VWDE: variants seen among roughly 807,000 people sequenced by gnomAD.
The protein encoded by VWDE is von Willebrand factor D and EGF domains.
A neutral mutation model predicts 178.4 loss-of-function variants in VWDE; 207 were observed. The observed-to-expected ratio is 1.16, with a 90% CI of 1.04 to 1.30. The LOEUF (loss-of-function observed/expected upper bound fraction) is 1.30, where lower values mean the gene tolerates loss of function less well. Ranked by LOEUF, VWDE falls within the 50% of genes most tolerant of loss-of-function variation. The pLI is 0.00. For synonymous variants in VWDE, 738 were observed against 651.4 expected, an observed-to-expected ratio of 1.13 and a Z score of -2.02; for missense variants, 2,287 against 1,901.3, an observed-to-expected ratio of 1.20 and a Z score of -3.77.
At chr7:12,365,898 C>G (rs1239651833) in intron 13 of VWDE, among the ~76,000 whole-genome samples, 4 of 152,070 alleles carry the variant, frequency 2.6e-5, no homozygotes, top group African/African-American at 9.7e-5. Context: ...GGCTCTGTGT[C>G]TCCGCCCAAA....
intron 1 of VWDE, 134 bp downstream of exon 1, chr7:12,403,525 G>A: frequency 1.3e-6 from 1 of 769,820 alleles, no homozygotes; most frequent in Non-Finnish European, 2.0e-6. Context: ...GGAGGCGGGT[G>A]AGGAACAAAC....
intron 2 of VWDE, among the ~76,000 whole-genome samples, chr7:12,391,983 C>A (rs1346214885): frequency 6.6e-6 from 1 of 152,086 alleles, no homozygotes; most frequent in East Asian, 1.9e-4. Flanking sequence ...ATGATGAACA[C>A]GTTAGTAATT....
intron 7 of VWDE, chr7:12,377,506 G>T (rs1783595307): frequency 4.3e-6 from 1 of 230,646 alleles, no homozygotes; most frequent in Non-Finnish European, 8.2e-6. Flanking sequence ...AAAAAGAGGA[G>T]CGAGAGGAAA....
intron 18 of VWDE, among the ~76,000 whole-genome samples, chr7:12,355,319 G>A (rs1216979523): frequency 6.6e-6 from 1 of 151,920 alleles, no homozygotes; most frequent in Non-Finnish European, 1.5e-5. Flanking sequence ...GGGAGGCTGA[G>A]GCAAGAGAAT....
Position 12,367,395 on chromosome 7 carries a change from C to A in VWDE, c.2860G>T (p.Glu954Ter). ...ACTTCACATTTAATTGAAGGTAATTCTTTGAAGCCTTTGCCAAAAACTCTC... is the reference window on the plus strand; with the variant it reads ...ACTTCACATTTAATTGAAGGTAATTATTTGAAGCCTTTGCCAAAAACTCTC... ...MVRVFGKGFK[E>*]LPSIKCEVTK... is the part of the protein sequence containing the mutation. The change falls in exon 13 of 29, where the codon GAA (glutamate) becomes TAA (stop). Residue 954 changes from glutamate to a stop codon, truncating the protein, a stop_gained. Coordinates refer to ENST00000275358, the MANE Select transcript of VWDE (RefSeq NM_001135924.3). LOFTEE classifies it high-confidence loss of function. 2.6e-6 allele frequency: 4 copies of A among 1,546,670 alleles called. No homozygotes were observed. Among genetic ancestry groups the A allele is most frequent in the Non-Finnish European group, 2.6e-6 (3 of 1,144,540 alleles).
Position 12,377,909 on chromosome 7 carries a change from T to G in VWDE, c.891A>C (p.Glu297Asp), listed in dbSNP as rs769883111. The G allele has an allele frequency of 6.9e-7, 1 of 1,452,038 alleles. No homozygotes were observed. The highest frequency in any genetic ancestry group is 1.6e-5 in the South Asian group (1 of 62,758). The allele number at this position is 1,452,038 out of a possible 1,614,324, so 89.9% of individuals were successfully genotyped here. ...EFFAGFKLQP[E>D]LSTISEDGKE... ...TCCCATCCTCTGATATAGTGCTCAA[T>G]TCAGGCTGTAGCTGGTATAAGAAAA... The change falls in exon 7 of 29, where the codon GAA becomes GAC. Residue 297 changes from glutamate (E) to aspartate (D), a missense_variant. Transcript: ENST00000275358.
intron 21 of VWDE, 126 bp downstream of exon 21, chr7:12,344,069 A>G: frequency 1.6e-6 from 1 of 629,604 alleles, no homozygotes; most frequent in Non-Finnish European, 2.7e-6. Context: ...GTAGAGTCCT[A>G]TACCAGCTTT....
intron 24 of VWDE, 25 bp downstream of exon 24, chr7:12,340,297 T>A: frequency 6.6e-7 from 1 of 1,521,798 alleles, no homozygotes; most frequent in Non-Finnish European, 8.9e-7. Context: ...TTTGCCCTTT[T>A]TACATACAAA....
intron 13 of VWDE, among the ~76,000 whole-genome samples, chr7:12,365,522 A>C (rs1437164753): frequency 1.3e-5 from 2 of 152,050 alleles, no homozygotes; most frequent in Non-Finnish European, 2.9e-5. Flanking sequence ...CTTCGAAGGG[A>C]ACTGAAATTT....
At chr7:12,393,556 A>G in intron 2 of VWDE, 38 bp downstream of exon 2, 1 of 1,433,576 alleles carries the variant, frequency 7.0e-7, no homozygotes, top group Non-Finnish European at 9.3e-7. Context: ...AAAAACACAT[A>G]AGGAAAATAA....
chr7:12,337,021 G>A lies in VWDE; in HGVS notation c.4525C>T (p.Pro1509Ser). The change falls in exon 26 of 29, where the codon CCT (proline) becomes TCT (serine). Residue 1509 changes from proline to serine, a missense_variant. Coordinates refer to ENST00000275358, the MANE Select transcript of VWDE (RefSeq NM_001135924.3). ...KCVGPSTCSCPSGWSGKRCNT... is the reference protein window; with the variant it reads ...KCVGPSTCSCSSGWSGKRCNT... ...CATCGTTTCCCACTCCAACCAGAAG[G>A]ACAAGAGCAAGTGCTTGGTCCCACA... 1 of 1,551,494 alleles carries A rather than the reference G, an allele frequency of 6.4e-7. No individual in the cohort carries two copies. The highest frequency in any genetic ancestry group is 8.7e-7 in the Non-Finnish European group (1 of 1,146,890).
At chr7:12,386,879 G>T (rs952607978) in intron 3 of VWDE, among the ~76,000 whole-genome samples, 1 of 152,180 alleles carries the variant, frequency 6.6e-6, no homozygotes, top group African/African-American at 2.4e-5. Flanking sequence ...CTAAGGAGAT[G>T]CTGTGTTGAT....
At chr7:12,340,201 G>T in intron 24 of VWDE, 121 bp downstream of exon 24, 1 of 722,076 alleles carries the variant, frequency 1.4e-6, no homozygotes, top group Non-Finnish European at 2.3e-6. Flanking sequence ...TTGAAACATC[G>T]CAAGAATTCT....
At chr7:12,361,947 C>T (rs947171806) in intron 13 of VWDE, among the ~76,000 whole-genome samples, 10 of 151,978 alleles carry the variant, frequency 6.6e-5, no homozygotes, top group African/African-American at 2.4e-4. Flanking sequence ...TACACAATTC[C>T]CACAGGGTCT....
chr7:12,333,357 T>A, intron 28 of VWDE, 108 bp downstream of exon 28: 1 of 739,516 alleles, frequency 1.4e-6, no homozygotes, highest in South Asian at 2.4e-5. Flanking sequence ...AAATGCTTTT[T>A]TTATTTTGGA....
chr7:12,336,848 A>G (rs1408532142), intron 26 of VWDE, 140 bp downstream of exon 26: 1 of 680,248 alleles, frequency 1.5e-6, no homozygotes, highest in Non-Finnish European at 2.4e-6. Flanking sequence ...TCAAAGAGGT[A>G]TCTCCTAAAG....
At chr7:12,388,537 C>A (rs988234416) in intron 3 of VWDE, among the ~76,000 whole-genome samples, 3 of 152,136 alleles carry the variant, frequency 2.0e-5, no homozygotes, top group African/African-American at 7.2e-5. Flanking sequence ...TTCCTTGCCT[C>A]TATTTAATTA....
intron 9 of VWDE, among the ~76,000 whole-genome samples, chr7:12,373,899 G>T (rs180846428): frequency 1.3e-5 from 2 of 152,060 alleles, no homozygotes; most frequent in Non-Finnish European, 2.9e-5. Flanking sequence ...ATTCTTGCCC[G>T]TTAGATCAGT....
intron 19 of VWDE, among the ~76,000 whole-genome samples, chr7:12,346,045 C>A (rs982889782): frequency 1.4e-4 from 21 of 152,054 alleles, no homozygotes; most frequent in African/African-American, 4.8e-4. Context: ...TTAAGTAATT[C>A]ATTCCTTCAT....
Sources: allele counts gnomAD v4.1 joint callset (sites outside exome capture counted in the v4.1 genomes callset), GRCh38; gene constraint gnomAD v4.1.1; transcripts MANE v1.5; gene names NCBI Gene and HGNC (gene_info 2026-07-23, HGNC 2026-07-21).